The following CENPP variants were observed in gnomAD, a reference collection of about 807,000 sequenced individuals.
CENPP encodes the protein centromere protein P.
Under a neutral mutation model 35.6 loss-of-function variants are expected in CENPP, and 24 were observed. That is an observed-to-expected ratio of 0.67 (90% CI 0.49 to 0.95). CENPP has a LOEUF of 0.95. Among genes scored for constraint, CENPP ranks in the 40% least tolerant of loss-of-function variants. The probability of loss-of-function intolerance (pLI) is 0.00; values close to 1 mark genes in which losing one functional copy is unlikely to be tolerated. For synonymous variants in CENPP, 120 were observed against 125.5 expected (o/e 0.96, Z 0.29); for missense variants, 332 against 345.3 (o/e 0.96, Z 0.31).
chr9:92,332,126 C>G, intron 1 of CENPP, 44 bp from the exon 2 acceptor site: 5 of 1,337,136 alleles, frequency 3.7e-6, no homozygotes, highest in Non-Finnish European at 5.1e-6. Flanking sequence ...AGATGAAACA[C>G]GTGTTAGTAA....
intron 5 of CENPP, among the ~76,000 whole-genome samples, chr9:92,412,036 T>A (rs938418273): frequency 6.6e-6 from 1 of 152,150 alleles, no homozygotes; most frequent in African/African-American, 2.4e-5. Context: ...TCACATTCAA[T>A]ACAATTCATC....
intron 5 of CENPP, among the ~76,000 whole-genome samples, chr9:92,565,420 T>G (rs1195859255): frequency 6.6e-6 from 1 of 151,828 alleles, no homozygotes; most frequent in Non-Finnish European, 1.5e-5. Flanking sequence ...TTAGACAAGC[T>G]TGTTCTACAG....
chr9:92,599,245 G>A (rs1184192448), intron 5 of CENPP, among the ~76,000 whole-genome samples: 1 of 152,050 alleles, frequency 6.6e-6, no homozygotes, highest in African/African-American at 2.4e-5. Context: ...CCTGAAAGGA[G>A]CCCAGGAAAC....
At chr9:92,578,834 G>C (rs1327622852) in intron 5 of CENPP, among the ~76,000 whole-genome samples, 1 of 152,104 alleles carries the variant, frequency 6.6e-6, no homozygotes. Flanking sequence ...TTTGTCTTTT[G>C]TTGCCATTGC....
chr9:92,399,420 A>G (rs1843019083), intron 5 of CENPP, among the ~76,000 whole-genome samples: 3 of 152,176 alleles, frequency 2.0e-5, no homozygotes, highest in Admixed American at 1.3e-4. Context: ...TTTATAAATT[A>G]GAGTTACTAG....
At chr9:92,514,704 G>T (rs1847575785) in intron 5 of CENPP, 2 of 1,613,554 alleles carry the variant, frequency 1.2e-6, no homozygotes, top group Non-Finnish European at 1.7e-6. Flanking sequence ...TGATGCAGCT[G>T]ATGGTCCTGT....
At chr9:92,451,629 G>A (rs973219430) in intron 5 of CENPP, among the ~76,000 whole-genome samples, 6 of 152,076 alleles carry the variant, frequency 3.9e-5, no homozygotes, top group Non-Finnish European at 5.9e-5. Context: ...TTCCGATTCT[G>A]TGAAGAAAGT....
At chr9:92,442,048 C>T (rs1300518017) in intron 5 of CENPP, among the ~76,000 whole-genome samples, 2 of 152,028 alleles carry the variant, frequency 1.3e-5, no homozygotes, top group African/African-American at 4.8e-5. Flanking sequence ...AATAGAATTA[C>T]AGTCCAGTAA....
chr9:92,478,751 A>G (rs1201414752), intron 5 of CENPP, among the ~76,000 whole-genome samples: 1 of 152,136 alleles, frequency 6.6e-6, no homozygotes, highest in Non-Finnish European at 1.5e-5. Flanking sequence ...CCCAGCCTGA[A>G]TGTTTTAGTT....
At chr9:92,516,133 G>A (rs1039613565) in intron 5 of CENPP, among the ~76,000 whole-genome samples, 6 of 150,030 alleles carry the variant, frequency 4.0e-5, no homozygotes, top group East Asian at 2.0e-4. Context: ...GCATGATCTC[G>A]GCTCACTGCA....
intron 4 of CENPP, among the ~76,000 whole-genome samples, chr9:92,358,690 C>T (rs887995693): frequency 1.2e-4 from 18 of 152,012 alleles, no homozygotes; most frequent in African/African-American, 4.3e-4. Context: ...GTGAATTTTT[C>T]ATTTTAATTA....
At chr9:92,580,168 G>T (rs941436694) in intron 5 of CENPP, among the ~76,000 whole-genome samples, 3 of 152,168 alleles carry the variant, frequency 2.0e-5, no homozygotes, top group Non-Finnish European at 4.4e-5. Context: ...GATCATGGTG[G>T]ATAAGCTTTT....
intron 5 of CENPP, among the ~76,000 whole-genome samples, chr9:92,444,064 T>C (rs1844490077): frequency 1.3e-5 from 2 of 152,222 alleles, no homozygotes; most frequent in African/African-American, 2.4e-5. Flanking sequence ...TGATTTATGA[T>C]ACATATACAC....
chr9:92,366,516 GCCCAC>G (rs1841892670), intron 4 of CENPP, among the ~76,000 whole-genome samples: 1 of 152,082 alleles, frequency 6.6e-6, no homozygotes, highest in African/African-American at 2.4e-5. Flanking sequence ...AAGTATATGT[GCCCAC>G]CACTATTTAC....
At chr9:92,427,576 G>A (rs866273390) in intron 5 of CENPP, among the ~76,000 whole-genome samples, 2 of 152,152 alleles carry the variant, frequency 1.3e-5, no homozygotes, top group African/African-American at 4.8e-5. Context: ...TGCCTCCCGG[G>A]TTTAAGCAAT....
At chr9:92,603,144 CAA>C (rs1850972816) in intron 5 of CENPP, among the ~76,000 whole-genome samples, 1 of 152,210 alleles carries the variant, frequency 6.6e-6, no homozygotes, top group Admixed American at 6.5e-5. Context: ...AGGGATTTCT[CAA>C]AGTCATATAG....
chr9:92,517,545 A>G (rs1323067715), intron 5 of CENPP: 5 of 1,098,582 alleles, frequency 4.6e-6, no homozygotes, highest in South Asian at 4.5e-5. Flanking sequence ...GATATTTTCT[A>G]TGTTAATCAG....
chr9:92,613,300 G>A lies in CENPP; in HGVS notation c.*151G>A, dbSNP rs1214303293. ...TGGCACATTATATGGAAACTCTCAT[G>A]ACATGAAAAATAAATACAACTAGTT... On this transcript the variant is annotated 3_prime_UTR_variant, in exon 8 of 8. Coordinates refer to ENST00000375587, the MANE Select transcript of CENPP (RefSeq NM_001012267.3). 2 of 800,450 alleles carry A rather than the reference G, an allele frequency of 2.5e-6. No homozygotes were observed. The highest frequency in any genetic ancestry group is 1.7e-5 in the African/African-American group (1 of 57,526). The allele number at this position is 800,450 out of a possible 1,614,324, so 49.6% of individuals were successfully genotyped here.
intron 5 of CENPP, among the ~76,000 whole-genome samples, chr9:92,590,157 G>C (rs150317296): frequency 8.7e-4 from 132 of 152,348 alleles, no homozygotes; most frequent in African/African-American, 3.1e-3. Context: ...TGGTGTGTCA[G>C]TGGTGAGGTA....
Sources: gnomAD v4.1 joint callset for allele counts (sites outside exome capture counted in the v4.1 genomes callset) on GRCh38, gnomAD v4.1.1 for gene constraint, MANE v1.5 for transcripts, NCBI Gene and HGNC (gene_info 2026-07-23, HGNC 2026-07-21) for gene names.